The following PPP2R2B variants were observed in gnomAD, a reference collection of about 807,000 sequenced individuals.
PPP2R2B encodes protein phosphatase 2 regulatory subunit Bbeta.
In PPP2R2B, 5 loss-of-function variants were observed where a neutral mutation model predicts 46.0. The ratio of observed to expected loss-of-function variants is 0.11; its 90% CI spans 0.06 to 0.23. The LOEUF (loss-of-function observed/expected upper bound fraction) is 0.23. Ranked by LOEUF, PPP2R2B falls within the 10% of genes least tolerant of loss-of-function variation. The pLI is 1.00. For synonymous variants in PPP2R2B, 215 were observed against 206.7 expected (o/e 1.04, Z -0.34); for missense variants, 367 against 575.0 (o/e 0.64, Z 3.70).
At chr5:146,848,095 AC>A (rs1371493056) in intron 2 of PPP2R2B, among the ~76,000 whole-genome samples, 1 of 152,104 alleles carries the variant, frequency 6.6e-6, no homozygotes, top group African/African-American at 2.4e-5. Context: ...TCGCCTACCA[AC>A]TTACTGGCTC....
chr5:146,977,105 C>G (rs754590354), intron 1 of PPP2R2B, among the ~76,000 whole-genome samples: 4 of 152,122 alleles, frequency 2.6e-5, no homozygotes, highest in Non-Finnish European at 4.4e-5. Context: ...TACCCGATGT[C>G]TAACACATCA....
intron 1 of PPP2R2B, among the ~76,000 whole-genome samples, chr5:146,918,874 T>C (rs1458584719): frequency 1.3e-5 from 2 of 152,228 alleles, no homozygotes; most frequent in African/African-American, 4.8e-5. Context: ...AAAAACTCTT[T>C]TGTAACTCAA....
At chr5:146,779,705 C>T (rs549124240) in intron 2 of PPP2R2B, among the ~76,000 whole-genome samples, 7 of 152,224 alleles carry the variant, frequency 4.6e-5, no homozygotes, top group Admixed American at 1.3e-4. Flanking sequence ...GTCTCATCCC[C>T]GGGTTTAATT....
At chr5:146,668,299 T>C (rs143529055) in intron 5 of PPP2R2B, among the ~76,000 whole-genome samples, 74 of 152,348 alleles carry the variant, frequency 4.9e-4, no homozygotes, top group African/African-American at 1.7e-3. Flanking sequence ...CAGTGTCTTG[T>C]ATAAGGAGGG....
intron 2 of PPP2R2B, among the ~76,000 whole-genome samples, chr5:146,750,130 T>C (rs1032618666): frequency 1.3e-5 from 2 of 152,224 alleles, no homozygotes; most frequent in Admixed American, 1.3e-4. Context: ...TGTTTTTGGA[T>C]TCTTTATTCT....
chr5:146,878,783 A>T (rs895953400), upstream of PPP2R2B: 25 of 1,223,966 alleles, frequency 2.0e-5, no homozygotes, highest in South Asian at 1.0e-4. This position sits in a 1 kb window ranked among gnomAD's most constrained non-coding sequence, Gnocchi z 4.5. Flanking sequence ...CGGCTGGTGC[A>T]TTAAAGGCGA....
intron 2 of PPP2R2B, among the ~76,000 whole-genome samples, chr5:146,750,927 C>T (rs1364810624): frequency 6.6e-6 from 1 of 152,190 alleles, no homozygotes; most frequent in Non-Finnish European, 1.5e-5. Flanking sequence ...AGGGAACATA[C>T]ACTCCAGCTG....
chr5:146,801,955 G>A (rs142364730), intron 2 of PPP2R2B, among the ~76,000 whole-genome samples: 52 of 152,318 alleles, frequency 3.4e-4, no homozygotes, highest in African/African-American at 1.2e-3. Flanking sequence ...AGCTGCATGT[G>A]TCTGTCATTC....
At chr5:146,974,007 G>A (rs923503966) in intron 1 of PPP2R2B, among the ~76,000 whole-genome samples, 1 of 152,170 alleles carries the variant, frequency 6.6e-6, no homozygotes, top group African/African-American at 2.4e-5. Context: ...TGAACAAAAT[G>A]ATAATTTTAA....
intron 1 of PPP2R2B, among the ~76,000 whole-genome samples, chr5:146,953,153 C>T (rs1232958381): frequency 1.3e-5 from 2 of 152,116 alleles, no homozygotes; most frequent in East Asian, 3.9e-4. Context: ...GTAAGAAATG[C>T]ACATGAATCT....
chr5:146,831,207 C>A (rs1055763659), intron 2 of PPP2R2B, among the ~76,000 whole-genome samples: 5 of 151,982 alleles, frequency 3.3e-5, no homozygotes, highest in Admixed American at 2.6e-4. Context: ...ATTAAAAAGT[C>A]TCTGGGTTGC....
chr5:146,629,707 C>T (rs1581751094), intron 7 of PPP2R2B, among the ~76,000 whole-genome samples: 3 of 152,046 alleles, frequency 2.0e-5, no homozygotes, highest in Admixed American at 2.0e-4. Flanking sequence ...TCCTTTTCCC[C>T]TCCCTCTCTT....
At chr5:147,015,335 A>G (rs1754953228) in intron 1 of PPP2R2B, among the ~76,000 whole-genome samples, 1 of 151,284 alleles carries the variant, frequency 6.6e-6, no homozygotes, top group African/African-American at 2.4e-5. Flanking sequence ...AACAATGTGA[A>G]CCTCCTACAT....
In PPP2R2B at chr5:146,581,065, T is replaced by C. The variant is rs1769873146; in HGVS notation, c.*8882A>G. 1 of 152,238 alleles carries C rather than the reference T, an allele frequency of 6.6e-6. No individual in the cohort carries two copies. The highest frequency in any genetic ancestry group is 2.4e-5 in the African/African-American group (1 of 41,470). 9.4% of individuals were successfully genotyped at this position (152,238 alleles called of 1,614,324 possible). A position where few individuals can be genotyped will look rare whatever the true frequency, so the allele number is the denominator to read the frequency against. ...TTAATTCTCGAGTTTCAGCTGATTC[T>C]TTCATCAAGAAACATCACAAATTAC... On this transcript the variant is annotated 3_prime_UTR_variant, in exon 10 of 10. Coordinates refer to ENST00000394411, the MANE Select transcript of PPP2R2B (RefSeq NM_181675.4).
At chr5:146,810,670 C>T (rs1316391430) in intron 2 of PPP2R2B, among the ~76,000 whole-genome samples, 4 of 152,050 alleles carry the variant, frequency 2.6e-5, no homozygotes, top group African/African-American at 7.2e-5. Flanking sequence ...ACTGTGTTTT[C>T]TCATTCACTG....
chr5:146,854,893 A>G (rs749969196), intron 2 of PPP2R2B, among the ~76,000 whole-genome samples: 12 of 152,164 alleles, frequency 7.9e-5, no homozygotes, highest in Non-Finnish European at 1.5e-4. Flanking sequence ...TGGACTCTGA[A>G]CTGTCTCTCG....
rs142397059 is a variant in PPP2R2B, at chr5:146,921,099, A to G, written c.79+134566T>C. 1.8e-3 allele frequency among the ~76,000 whole-genome samples: 271 copies of G among 152,276 alleles called. 1 individual carries two copies. Among genetic ancestry groups the G allele is most frequent in the African/African-American group, 6.2e-3 (256 of 41,550 alleles). ...GGGAAAAACTATTCTAGAGTGAATA[A>G]CCTCCAAATGTTAATTTTGCAAAAC... On this transcript the variant is annotated intron_variant, in intron 1 of 8. Transcript: ENST00000336640.
intron 1 of PPP2R2B, among the ~76,000 whole-genome samples, chr5:146,957,468 A>G (rs1751964832): frequency 6.6e-6 from 1 of 152,232 alleles, no homozygotes; most frequent in African/African-American, 2.4e-5. Context: ...TACTTAGTCT[A>G]GAGAAGGATG....
rs555565040 is a variant in PPP2R2B, at chr5:146,707,192, C to T, written c.71-6050G>A. 5.3e-5 allele frequency: 83 copies of T among 1,573,622 alleles called. 1 individual carries two copies. The African/African-American group carries it at 1.1e-3, about 20-fold the overall frequency. ...CGCCTAAGGCTGTTGATGTAGCTCT[C>T]GAATATGTTGTCCATGTTGCTCCCA... On this transcript the variant is annotated intron_variant, in intron 2 of 9. Coordinates refer to ENST00000394411, the MANE Select transcript of PPP2R2B (RefSeq NM_181675.4).
Sources: gnomAD v4.1 joint callset for allele counts (sites outside exome capture counted in the v4.1 genomes callset) on GRCh38, gnomAD v4.1.1 for gene constraint, Gnocchi (gnomAD v3.1) non-coding constraint, MANE v1.5 for transcripts, NCBI Gene and HGNC (gene_info 2026-07-23, HGNC 2026-07-21) for gene names.